The following MLIP variants were observed in gnomAD, a reference collection of about 807,000 sequenced individuals.
The protein encoded by MLIP is muscular LMNA-interacting protein.
Under a neutral mutation model 84.8 loss-of-function variants are expected in MLIP, and 79 were observed. The ratio of observed to expected loss-of-function variants is 0.93; its 90% CI spans 0.78 to 1.12. The LOEUF (loss-of-function observed/expected upper bound fraction) is 1.12, where lower values mean the gene tolerates loss of function less well. MLIP is among the 50% of genes most tolerant of loss of function. MLIP has a pLI of 0.00. For synonymous variants in MLIP, 504 were observed against 463.0 expected, an observed-to-expected ratio of 1.09 and a Z score of -1.14; for missense variants, 1,257 against 1,160.6, an observed-to-expected ratio of 1.08 and a Z score of -1.21.
intron 12 of MLIP, among the ~76,000 whole-genome samples, chr6:54,232,108 A>C (rs1414050658): frequency 6.6e-6 from 1 of 152,020 alleles, no homozygotes; most frequent in African/African-American, 2.4e-5. Context: ...TATGAGAGAA[A>C]ATATAATATT....
chr6:54,152,863 G>C (rs1308223733), intron 5 of MLIP, among the ~76,000 whole-genome samples: 1 of 116,948 alleles, frequency 8.6e-6, no homozygotes, highest in Admixed American at 8.9e-5. Flanking sequence ...TGTTAAAGGA[G>C]GAGAGAATGA....
At chr6:54,169,976 G>A (rs561692591) in intron 9 of MLIP, among the ~76,000 whole-genome samples, 1 of 151,606 alleles carries the variant, frequency 6.6e-6, no homozygotes, top group Admixed American at 6.6e-5. Context: ...TGACTCTTTT[G>A]TTGCTTTCCT....
chr6:54,152,817 T>G (rs1762186758), intron 5 of MLIP, among the ~76,000 whole-genome samples: 1 of 152,112 alleles, frequency 6.6e-6, no homozygotes, highest in Admixed American at 6.6e-5. Context: ...CATATTAATA[T>G]TCCAAGTAAA....
Position 54,050,505 on chromosome 6 carries a change from G to C in MLIP, c.63+31414G>C, listed in dbSNP as rs575819618. On this transcript the variant is annotated intron_variant, in intron 1 of 12. Transcript: ENST00000274897. ...TAAATATTCTTCACAATGTTAATTTGTCTGGATAGTATTTTATGGTTTGGA... is the reference window on the plus strand; with the variant it reads ...TAAATATTCTTCACAATGTTAATTTCTCTGGATAGTATTTTATGGTTTGGA... Among the ~76,000 whole-genome samples the C allele has an allele frequency of 2.1e-3, 318 of 152,146 alleles. 1 individual carries two copies. The highest frequency in any genetic ancestry group is 7.4e-3 in the African/African-American group (308 of 41,504).
intron 11 of MLIP, among the ~76,000 whole-genome samples, chr6:54,213,792 G>GT (rs5876370): frequency 2.9e-5 from 4 of 140,010 alleles, no homozygotes; most frequent in African/African-American, 5.4e-5. Flanking sequence ...ACAAAAAAAA[G>GT]TTTTTTTTTA....
At chr6:54,088,229 T>C (rs1582109799) in intron 1 of MLIP, among the ~76,000 whole-genome samples, 2 of 152,268 alleles carry the variant, frequency 1.3e-5, no homozygotes, top group South Asian at 4.1e-4. Flanking sequence ...ACTTCCTGAA[T>C]ATGTCAAAAG....
chr6:54,072,407 G>C (rs1311027782), intron 1 of MLIP, among the ~76,000 whole-genome samples: 2 of 152,154 alleles, frequency 1.3e-5, no homozygotes, highest in African/African-American at 4.8e-5. Context: ...CATTTCTGCT[G>C]TCTTAGGGTA....
At chr6:54,124,386 G>C in intron 2 of MLIP, 87 bp from the exon 3 acceptor site, 1 of 1,207,000 alleles carries the variant, frequency 8.3e-7, no homozygotes. Context: ...GAAAATATAA[G>C]GAGGTTAAGC....
chr6:54,217,086 C>A, intron 11 of MLIP: 1 of 985,252 alleles, frequency 1.0e-6, no homozygotes, highest in Non-Finnish European at 1.2e-6. Context: ...GTTGCTTTAC[C>A]AAAGAGGTGG....
chr6:54,261,112 T>C (rs1388873738), intron 13 of MLIP, among the ~76,000 whole-genome samples: 1 of 152,042 alleles, frequency 6.6e-6, no homozygotes, highest in South Asian at 2.1e-4. Context: ...TTGACTAAGA[T>C]AAATGATTTC....
Position 54,181,282 on chromosome 6 carries a change from C to T in MLIP, c.2545-8588C>T, listed in dbSNP as rs578184844. On this transcript the variant is annotated intron_variant, in intron 9 of 13. Coordinates refer to ENST00000502396, the MANE Select transcript of MLIP (RefSeq NM_001281747.2). ...CAGGCAAAAGAGCCTCTCCCTGTGG[C>T]CACCAACACCACCAGCACATGGGCT... Among the ~76,000 whole-genome samples, 9 of 152,240 alleles carry T rather than the reference C, an allele frequency of 5.9e-5. No homozygotes were observed. The East Asian group carries it at 1.7e-3, about 30-fold the overall frequency.
At chr6:54,136,060 T>C (rs1771773138) in intron 3 of MLIP, among the ~76,000 whole-genome samples, 1 of 152,222 alleles carries the variant, frequency 6.6e-6, no homozygotes, top group Non-Finnish European at 1.5e-5. Context: ...ATGTTCATTA[T>C]ATGTTCATGT....
intron 8 of MLIP, among the ~76,000 whole-genome samples, chr6:54,161,101 G>A (rs1231408961): frequency 4.7e-5 from 7 of 147,878 alleles, no homozygotes; most frequent in Non-Finnish European, 1.1e-4. Context: ...ATTAGGCTAT[G>A]TTTTTTTTTT....
intron 1 of MLIP, among the ~76,000 whole-genome samples, chr6:54,037,005 G>A (rs889608459): frequency 6.6e-6 from 1 of 152,024 alleles, no homozygotes; most frequent in African/African-American, 2.4e-5. Context: ...TATTCTTGCA[G>A]TATTACCCTT....
intron 1 of MLIP, among the ~76,000 whole-genome samples, chr6:54,096,979 G>A (rs1768259324): frequency 6.6e-6 from 1 of 152,110 alleles, no homozygotes; most frequent in African/African-American, 2.4e-5. Context: ...GAGAAGACAG[G>A]AAGGACAGGA....
Position 54,097,614 on chromosome 6 carries a change from C to T in MLIP, c.64-23833C>T, listed in dbSNP as rs141229023. 8.7e-4 allele frequency among the ~76,000 whole-genome samples: 133 copies of T among 152,180 alleles called. 2 individuals carry two copies. The East Asian group carries it at 0.017, about 20-fold the overall frequency. On this transcript the variant is annotated intron_variant, in intron 1 of 12. Coordinates refer to the MLIP transcript ENST00000274897. ...GGCAGTAAAACATTCCTAGAAATTA[C>T]AGAGAAGAGTTATTTTATATATGTG...
At chr6:54,257,952 T>A (rs1035196814) in intron 13 of MLIP, among the ~76,000 whole-genome samples, 6 of 152,060 alleles carry the variant, frequency 3.9e-5, no homozygotes, top group East Asian at 3.9e-4. Flanking sequence ...TTTCTTTTTT[T>A]AAAAAAATGC....
chr6:54,072,951 G>A (rs1258481000), intron 1 of MLIP, among the ~76,000 whole-genome samples: 5 of 152,134 alleles, frequency 3.3e-5, no homozygotes, highest in African/African-American at 1.2e-4. Flanking sequence ...GACTTTGTCA[G>A]CTTCTTGTGG....
chr6:54,201,848 A>T (rs772828254), intron 10 of MLIP, among the ~76,000 whole-genome samples: 18 of 152,354 alleles, frequency 1.2e-4, no homozygotes, highest in Middle Eastern at 3.4e-3. Flanking sequence ...GCAAGGGTAG[A>T]ACATGTTTGC....
Sources: allele counts gnomAD v4.1 joint callset (sites outside exome capture counted in the v4.1 genomes callset), GRCh38; gene constraint gnomAD v4.1.1; transcripts MANE v1.5; gene names NCBI Gene and HGNC (gene_info 2026-07-23, HGNC 2026-07-21).